Variants in SH3RF3 observed in about 807,000 individuals in gnomAD.
The protein encoded by SH3RF3 is SH3 domain containing ring finger 3.
A neutral mutation model predicts 66.3 loss-of-function variants in SH3RF3; 29 were observed. The observed-to-expected ratio is 0.44, with a 90% CI of 0.33 to 0.60. The LOEUF is 0.60. SH3RF3 is among the 20% of genes least tolerant of loss of function. The pLI is 0.04. For synonymous variants in SH3RF3, 583 were observed against 532.0 expected, an observed-to-expected ratio of 1.10 and a Z score of -1.32; for missense variants, 1,194 against 1,190.9, an observed-to-expected ratio of 1.00 and a Z score of -0.04.
chr2:109,345,689 AAAAT>A (rs1682675259), intron 1 of SH3RF3, among the ~76,000 whole-genome samples: 1 of 152,224 alleles, frequency 6.6e-6, no homozygotes, highest in South Asian at 2.1e-4. Flanking sequence ...TCCCCTCATG[AAAAT>A]AAATGTTATA....
intron 1 of SH3RF3, among the ~76,000 whole-genome samples, chr2:109,334,452 C>T (rs1011881760): frequency 8.6e-5 from 13 of 151,758 alleles, no homozygotes; most frequent in Non-Finnish European, 1.8e-4. Flanking sequence ...GGTGTCTTGG[C>T]TTCCTGTTGG....
rs1156526881 is a variant in SH3RF3, at chr2:109,204,129, A to G, written c.573+74016A>G. ...AGACAAGGCGAAGAGGGTAAGGAGAATCCAGTGAAGGTCTGTCTCTTCTCC... is the reference window on the plus strand; with the variant it reads ...AGACAAGGCGAAGAGGGTAAGGAGAGTCCAGTGAAGGTCTGTCTCTTCTCC... On this transcript the variant is annotated intron_variant, in intron 1 of 9. Coordinates refer to ENST00000309415, the MANE Select transcript of SH3RF3 (RefSeq NM_001099289.3). Among the ~76,000 whole-genome samples, 3 of 152,220 alleles carry G rather than the reference A, an allele frequency of 2.0e-5. No individual in the cohort carries two copies. In the East Asian group the frequency reaches 5.8e-4, roughly 29 times the overall value.
intron 8 of SH3RF3, among the ~76,000 whole-genome samples, chr2:109,479,869 C>T (rs1013215145): frequency 1.3e-5 from 2 of 152,124 alleles, no homozygotes; most frequent in Non-Finnish European, 2.9e-5. Context: ...AGCCTTCATA[C>T]GGCAGCACCT....
chr2:109,153,436 C>A (rs1188237646), intron 1 of SH3RF3, among the ~76,000 whole-genome samples: 1 of 152,096 alleles, frequency 6.6e-6, no homozygotes, highest in African/African-American at 2.4e-5. Context: ...ATTAGTTCTG[C>A]TGAGAAAGAA....
intron 8 of SH3RF3, among the ~76,000 whole-genome samples, chr2:109,485,909 C>T (rs985478708): frequency 2.6e-5 from 4 of 152,282 alleles, no homozygotes; most frequent in African/African-American, 7.2e-5. Context: ...CCCTTGATCT[C>T]CTACACACCT....
At chr2:109,421,027 G>A (rs1676862902) in intron 5 of SH3RF3, among the ~76,000 whole-genome samples, 1 of 152,178 alleles carries the variant, frequency 6.6e-6, no homozygotes, top group Non-Finnish European at 1.5e-5. Flanking sequence ...ACCAGCACTG[G>A]ACAAAAGATA....
intron 1 of SH3RF3, among the ~76,000 whole-genome samples, chr2:109,154,462 G>A (rs185452521): frequency 2.1e-4 from 32 of 152,316 alleles, no homozygotes; most frequent in Non-Finnish European, 2.9e-5. Context: ...CCTGGGAAGG[G>A]ACCACCAGCC....
intron 1 of SH3RF3, among the ~76,000 whole-genome samples, chr2:109,315,232 A>G (rs916937854): frequency 2.6e-5 from 4 of 152,194 alleles, no homozygotes; most frequent in Admixed American, 6.5e-5. Flanking sequence ...GGAGAGGGCT[A>G]TAGTCTCTCC....
intron 1 of SH3RF3, among the ~76,000 whole-genome samples, chr2:109,303,824 C>T (rs918323260): frequency 1.4e-4 from 22 of 152,148 alleles, no homozygotes; most frequent in African/African-American, 4.6e-4. Flanking sequence ...CCATCAAGAC[C>T]GTGAACAAGT....
chr2:109,322,112 A>G (rs1368317354), intron 1 of SH3RF3, among the ~76,000 whole-genome samples: 2 of 152,158 alleles, frequency 1.3e-5, no homozygotes. Context: ...AAGAATGAGG[A>G]AAGGGAAAAA....
At chr2:109,328,941 G>A (rs1682221605) in intron 1 of SH3RF3, among the ~76,000 whole-genome samples, 1 of 152,186 alleles carries the variant, frequency 6.6e-6, no homozygotes, top group African/African-American at 2.4e-5. Context: ...TGTTAACGGG[G>A]TGGTCATGAC....
Position 109,437,088 on chromosome 2 carries a change from C to T in SH3RF3, c.1770C>T (p.Ser590=). 1 of 1,613,594 alleles carries T rather than the reference C, an allele frequency of 6.2e-7. No homozygotes were observed. Among genetic ancestry groups the T allele is most frequent in the Non-Finnish European group, 8.5e-7 (1 of 1,179,794 alleles). ...CCACAGCCTCGCCCCCAACAGGCAG[C>T]TGTCTACGGCACTCAGCCCAGCCAA... ...QHPTASPPTG[S]CLRHSAQPTA... The change falls in exon 7 of 10, where the codon AGC becomes AGT. Residue 590 remains serine, a synonymous_variant. Transcript: ENST00000309415.
At chr2:109,421,722 G>GGACATATA (rs1228990421) in intron 5 of SH3RF3, among the ~76,000 whole-genome samples, 50 of 152,204 alleles carry the variant, frequency 3.3e-4, no homozygotes, top group African/African-American at 1.2e-3. Context: ...AAACTTATGT[G>GGACATATA]TCGGACAACA....
chr2:109,183,788 A>T lies in SH3RF3; in HGVS notation c.573+53675A>T, dbSNP rs117069706. ...GAATTATTTATACTCTTTACATATAAGGAGGTAAGGCCAAGGGGGTTAAGT... is the reference window on the plus strand; with the variant it reads ...GAATTATTTATACTCTTTACATATATGGAGGTAAGGCCAAGGGGGTTAAGT... On this transcript the variant is annotated intron_variant, in intron 1 of 9. Transcript: ENST00000309415. 8.0e-3 allele frequency among the ~76,000 whole-genome samples: 1,221 copies of T among 152,294 alleles called. 12 individuals are homozygous for T. Among genetic ancestry groups the T allele is most frequent in the East Asian group, 0.04 (206 of 5,172 alleles).
At chr2:109,133,027 G>T (rs371317173) in intron 1 of SH3RF3, among the ~76,000 whole-genome samples, 3 of 152,156 alleles carry the variant, frequency 2.0e-5, no homozygotes, top group East Asian at 1.9e-4. Context: ...ATGTAGACTC[G>T]GCTAGGCACT....
intron 1 of SH3RF3, among the ~76,000 whole-genome samples, chr2:109,166,966 GCCATC>G (rs1487780772): frequency 6.6e-6 from 1 of 152,124 alleles, no homozygotes; most frequent in Non-Finnish European, 1.5e-5. Flanking sequence ...TTGTAAAAGG[GCCATC>G]CCCTTTGCCT....
At chr2:109,338,031 C>G (rs954440467) in intron 1 of SH3RF3, among the ~76,000 whole-genome samples, 1 of 152,088 alleles carries the variant, frequency 6.6e-6, no homozygotes. Context: ...CGCGCCCAGG[C>G]TCCTTCTGTT....
chr2:109,243,762 G>GT (rs1679845035), intron 1 of SH3RF3, among the ~76,000 whole-genome samples: 1 of 152,200 alleles, frequency 6.6e-6, no homozygotes, highest in South Asian at 2.1e-4. Flanking sequence ...GGCCCGAGTG[G>GT]TTTTGCAATC....
intron 1 of SH3RF3, among the ~76,000 whole-genome samples, chr2:109,303,035 C>T (rs1304617650): frequency 6.6e-6 from 1 of 152,162 alleles, no homozygotes; most frequent in Non-Finnish European, 1.5e-5. Flanking sequence ...CACCACCATG[C>T]CCTACTAATT....
Sources: gnomAD v4.1 joint callset for allele counts (sites outside exome capture counted in the v4.1 genomes callset) on GRCh38, gnomAD v4.1.1 for gene constraint, MANE v1.5 for transcripts, NCBI Gene and HGNC (gene_info 2026-07-23, HGNC 2026-07-21) for gene names.